The following SGPP2 variants were observed in gnomAD, a reference collection of about 807,000 sequenced individuals.
The protein encoded by SGPP2 is sphingosine 1-phosphate phosphohydrolase 2.
In SGPP2, 30 loss-of-function variants were observed where a neutral mutation model predicts 33.9. That is an observed-to-expected ratio of 0.89 (90% CI 0.66 to 1.20). The LOEUF (loss-of-function observed/expected upper bound fraction) is 1.20. Among genes scored for constraint, SGPP2 ranks in the 50% most tolerant of loss-of-function variants. The probability of loss-of-function intolerance (pLI) is 0.00; values close to 1 mark genes in which losing one functional copy is unlikely to be tolerated. For synonymous variants in SGPP2, 233 were observed against 225.0 expected, an observed-to-expected ratio of 1.04 and a Z score of -0.32; for missense variants, 458 against 532.1, an observed-to-expected ratio of 0.86 and a Z score of 1.37.
intron 2 of SGPP2, among the ~76,000 whole-genome samples, chr2:222,507,745 A>G (rs1382056830): frequency 1.3e-5 from 2 of 152,224 alleles, no homozygotes; most frequent in Non-Finnish European, 2.9e-5. Context: ...GCAGTTTCCC[A>G]TGTACCTATA....
intron 1 of SGPP2, among the ~76,000 whole-genome samples, chr2:222,470,123 G>A (rs569977520): frequency 1.2e-4 from 19 of 152,108 alleles, no homozygotes; most frequent in Non-Finnish European, 2.2e-4. Flanking sequence ...AGCGGGGTGG[G>A]GGGCAAGGAG....
upstream of SGPP2, chr2:222,424,520 G>A: frequency 2.0e-6 from 2 of 995,726 alleles, no homozygotes; most frequent in East Asian, 3.8e-5. Flanking sequence ...CGGGATCGGC[G>A]GGGGCGAGGC....
intron 4 of SGPP2, among the ~76,000 whole-genome samples, chr2:222,544,193 C>T (rs1351617744): frequency 3.3e-5 from 5 of 152,272 alleles, no homozygotes; most frequent in Admixed American, 1.3e-4. Flanking sequence ...AGTAACCTGA[C>T]CAAGGTCGTG....
At chr2:222,549,717 AT>A (rs1252559036) in intron 4 of SGPP2, among the ~76,000 whole-genome samples, 1 of 152,200 alleles carries the variant, frequency 6.6e-6, no homozygotes, top group Non-Finnish European at 1.5e-5. Context: ...ACGTTGGAAA[AT>A]GTTAGTTTTG....
intron 2 of SGPP2, among the ~76,000 whole-genome samples, chr2:222,517,067 C>G (rs911007192): frequency 1.3e-5 from 2 of 152,226 alleles, no homozygotes; most frequent in Non-Finnish European, 2.9e-5. Context: ...TTCCCCAAGC[C>G]TTTCCTCTGG....
intron 1 of SGPP2, among the ~76,000 whole-genome samples, chr2:222,441,292 C>A (rs1013341668): frequency 2.6e-5 from 4 of 152,150 alleles, no homozygotes; most frequent in African/African-American, 9.7e-5. Context: ...TGTTCTTCTC[C>A]CACAAGTAGT....
At chr2:222,546,869 C>T (rs1298767946) in intron 4 of SGPP2, among the ~76,000 whole-genome samples, 1 of 149,560 alleles carries the variant, frequency 6.7e-6, no homozygotes, top group Non-Finnish European at 1.5e-5. Flanking sequence ...TCTGATGTGT[C>T]CCCTTTAGCA....
At position 222,559,361 on chromosome 2, in the gene SGPP2, G is replaced by A. The variant is rs1487354236; in HGVS notation, c.*463G>A. On this transcript the variant is annotated 3_prime_UTR_variant, in exon 5 of 5. Transcript: ENST00000321276. ...CCGTTACAACCTTGCCTAGCATGGA[G>A]TTATTTCTAAAATGGGAACTTTGGT... 6.1e-6 allele frequency: 1 copy of A among 162,800 alleles called. No homozygotes were observed. Among genetic ancestry groups the A allele is most frequent in the African/African-American group, 2.4e-5 (1 of 41,602 alleles). The allele number at this position is 162,800 out of a possible 1,614,324, so 10.1% of individuals were successfully genotyped here.
chr2:222,511,115 A>G (rs1199917686), intron 2 of SGPP2, among the ~76,000 whole-genome samples: 1 of 152,218 alleles, frequency 6.6e-6, no homozygotes, highest in Admixed American at 6.5e-5. Flanking sequence ...ATAACCAGAA[A>G]GGGCCACTAC....
intron 2 of SGPP2, among the ~76,000 whole-genome samples, chr2:222,479,083 G>C (rs1218997742): frequency 6.6e-6 from 1 of 152,170 alleles, no homozygotes; most frequent in Non-Finnish European, 1.5e-5. Context: ...CCACTTTACA[G>C]ATCCTGAAAC....
intron 4 of SGPP2, among the ~76,000 whole-genome samples, chr2:222,551,951 C>G (rs4674663): frequency 0.91 from 138,644 of 152,276 alleles, 63,381 homozygotes; most frequent in East Asian, 1. Flanking sequence ...TTTTGAGTGA[C>G]AGCATAAAAT....
chr2:222,546,403 C>T (rs1293993545), intron 4 of SGPP2, among the ~76,000 whole-genome samples: 1 of 152,088 alleles, frequency 6.6e-6, no homozygotes, highest in Non-Finnish European at 1.5e-5. Flanking sequence ...TACTTAATAA[C>T]AAGGATGTCA....
chr2:222,436,059 C>T (rs1334422411), intron 1 of SGPP2, among the ~76,000 whole-genome samples: 5 of 152,232 alleles, frequency 3.3e-5, no homozygotes, highest in African/African-American at 1.2e-4. Context: ...CATGCATCCT[C>T]TTCCTTAACT....
chr2:222,474,830 T>A, intron 2 of SGPP2, 104 bp downstream of exon 2: 1 of 793,672 alleles, frequency 1.3e-6, no homozygotes. Context: ...TTTTTTTTTT[T>A]TACCACTTAG....
intron 2 of SGPP2, among the ~76,000 whole-genome samples, chr2:222,501,696 T>C (rs1438511596): frequency 6.6e-6 from 1 of 152,162 alleles, no homozygotes; most frequent in Non-Finnish European, 1.5e-5. Flanking sequence ...TGTCTCAGGG[T>C]AAGTCAAGAA....
intron 4 of SGPP2, among the ~76,000 whole-genome samples, chr2:222,549,285 C>T (rs1288426001): frequency 6.6e-6 from 1 of 152,168 alleles, no homozygotes; most frequent in Non-Finnish European, 1.5e-5. Context: ...GTTGTGTTGG[C>T]CTGTTCAATA....
Position 222,424,579 on chromosome 2 carries a change from G to A in SGPP2, c.-24G>A, listed in dbSNP as rs1697029303. 1 of 1,219,748 alleles carries A rather than the reference G, an allele frequency of 8.2e-7. No individual in the cohort carries two copies. The highest frequency in any genetic ancestry group is 4.3e-5 in the Admixed American group (1 of 23,240). The allele number at this position is 1,219,748 out of a possible 1,614,324, so 75.6% of individuals were successfully genotyped here. ...GCACCGGCCCGGCGTGGCAGCGGCG[G>A]CGGAGCGCGGCCCCGGGCACACCAT... On this transcript the variant is annotated 5_prime_UTR_variant, in exon 1 of 5. Coordinates refer to ENST00000321276, the MANE Select transcript of SGPP2 (RefSeq NM_152386.4).
At chr2:222,527,084 A>T (rs1698769859) in intron 4 of SGPP2, among the ~76,000 whole-genome samples, 1 of 152,160 alleles carries the variant, frequency 6.6e-6, no homozygotes, top group Non-Finnish European at 1.5e-5. Flanking sequence ...AGTACACAAA[A>T]CCCACCTCAA....
At chr2:222,453,360 G>A (rs140767755) in intron 1 of SGPP2, among the ~76,000 whole-genome samples, 82 of 152,322 alleles carry the variant, frequency 5.4e-4, no homozygotes, top group African/African-American at 1.9e-3. Context: ...CTAAGGCAGC[G>A]TTAAGACTTT....
Sources: allele counts gnomAD v4.1 joint callset (sites outside exome capture counted in the v4.1 genomes callset), GRCh38; gene constraint gnomAD v4.1.1; transcripts MANE v1.5; gene names NCBI Gene and HGNC (gene_info 2026-07-23, HGNC 2026-07-21).